RGS7: variants seen among roughly 807,000 people sequenced by gnomAD.
RGS7 encodes the protein regulator of G-protein signaling 7.
Under a neutral mutation model 81.1 loss-of-function variants are expected in RGS7, and 27 were observed. The observed-to-expected ratio is 0.33, with a 90% CI of 0.25 to 0.46. The LOEUF (loss-of-function observed/expected upper bound fraction) is 0.46, where lower values mean the gene tolerates loss of function less well. RGS7 is among the 20% of genes least tolerant of loss of function. The pLI is 1.00. For synonymous variants in RGS7, 208 were observed against 207.7 expected (o/e 1.00, Z -0.01); for missense variants, 396 against 607.4 (o/e 0.65, Z 3.66).
At chr1:241,042,976 T>C (rs1485870435) in intron 3 of RGS7, among the ~76,000 whole-genome samples, 1 of 151,814 alleles carries the variant, frequency 6.6e-6, no homozygotes, top group East Asian at 1.9e-4. Context: ...AAAAAAGGAT[T>C]ATGTCCCTTT....
At chr1:240,823,006 G>A in intron 10 of RGS7, 2 of 516,984 alleles carry the variant, frequency 3.9e-6, no homozygotes, top group South Asian at 2.4e-5. Context: ...TAGAAACCTG[G>A]AAGAAATTGT....
intron 18 of RGS7, among the ~76,000 whole-genome samples, chr1:240,788,675 T>C (rs942641068): frequency 5.3e-5 from 8 of 152,348 alleles, no homozygotes; most frequent in African/African-American, 1.9e-4. Context: ...GGAATACTTC[T>C]ATTTGTGTGA....
chr1:240,869,152 G>A (rs931592153), intron 7 of RGS7, among the ~76,000 whole-genome samples: 1 of 152,100 alleles, frequency 6.6e-6, no homozygotes, highest in African/African-American at 2.4e-5. Context: ...ACATAAGGAG[G>A]TGCTCAGATG....
chr1:240,908,989 G>A (rs1219565960), intron 6 of RGS7, among the ~76,000 whole-genome samples: 1 of 152,192 alleles, frequency 6.6e-6, no homozygotes, highest in African/African-American at 2.4e-5. Flanking sequence ...AAAATTTCCT[G>A]AGACCTCTAA....
Position 241,097,399 on chromosome 1 carries a change from C to G in RGS7, c.175+1267G>C, listed in dbSNP as rs138118445. Among the ~76,000 whole-genome samples, 724 of 152,160 alleles carry G rather than the reference C, an allele frequency of 4.8e-3. 8 individuals carry two copies. The highest frequency in any genetic ancestry group is 6.8e-3 in the Middle Eastern group (2 of 294). ...ATTCCACAGTAGCTCTCCTCAGCTC[C>G]AAGCTCCCTCTCTTCTCTCTGACAG... On this transcript the variant is annotated intron_variant, in intron 3 of 18. Coordinates refer to ENST00000440928, the MANE Select transcript of RGS7 (RefSeq NM_001364886.1).
At chr1:240,984,349 G>A (rs1239596394) in intron 3 of RGS7, among the ~76,000 whole-genome samples, 1 of 152,086 alleles carries the variant, frequency 6.6e-6, no homozygotes, top group Admixed American at 6.6e-5. Context: ...CAAGGATGAA[G>A]GGAAAAGGTC....
chr1:241,093,131 C>A lies in RGS7; in HGVS notation c.175+5535G>T, dbSNP rs559908244. Reference sequence around the variant, plus strand: ...AACTTAGAGAACATGAAGGAAATGTCTTTTAGTACAATTTCGCAGAAATCA... The same window carrying A: ...AACTTAGAGAACATGAAGGAAATGTATTTTAGTACAATTTCGCAGAAATCA... On this transcript the variant is annotated intron_variant, in intron 3 of 18. Coordinates refer to ENST00000440928, the MANE Select transcript of RGS7 (RefSeq NM_001364886.1). 1.2e-3 allele frequency among the ~76,000 whole-genome samples: 178 copies of A among 152,032 alleles called. 1 individual carries two copies. The highest frequency in any genetic ancestry group is 4.2e-3 in the African/African-American group (175 of 41,492).
At position 241,135,775 on chromosome 1, in the gene RGS7, G is replaced by T. The variant is rs530526636; in HGVS notation, c.79-37013C>A. 5.9e-5 allele frequency among the ~76,000 whole-genome samples: 9 copies of T among 152,128 alleles called. No homozygotes were observed. In the South Asian group the frequency reaches 1.9e-3, roughly 32 times the overall value. On this transcript the variant is annotated intron_variant, in intron 2 of 18. Transcript: ENST00000440928. ...TATTAAACTCTCTACTACAATGTCA[G>T]TGGCCTTTTTTTATTATTTTTTTTT...
intron 5 of RGS7, among the ~76,000 whole-genome samples, chr1:240,931,101 G>T (rs1466566059): frequency 6.6e-6 from 1 of 152,154 alleles, no homozygotes; most frequent in Non-Finnish European, 1.5e-5. Context: ...GACTGAAAGA[G>T]TATGTTCGGC....
intron 2 of RGS7, among the ~76,000 whole-genome samples, chr1:241,228,406 T>C (rs1451450449): frequency 6.6e-6 from 1 of 151,916 alleles, no homozygotes; most frequent in Non-Finnish European, 1.5e-5. Flanking sequence ...ATCCACTAGG[T>C]TAAAAGGAGT....
intron 3 of RGS7, among the ~76,000 whole-genome samples, chr1:241,011,668 A>G (rs940439121): frequency 2.0e-5 from 3 of 152,220 alleles, no homozygotes; most frequent in Non-Finnish European, 2.9e-5. Context: ...TTAAGAAAAC[A>G]GATTGATAAC....
At chr1:241,117,139 A>G (rs2065935244) in intron 2 of RGS7, among the ~76,000 whole-genome samples, 2 of 152,196 alleles carry the variant, frequency 1.3e-5, no homozygotes. Flanking sequence ...TTTCTTTTCA[A>G]ATAAAATATA....
intron 2 of RGS7, among the ~76,000 whole-genome samples, chr1:241,345,155 G>T (rs551053163): frequency 1.3e-5 from 2 of 152,314 alleles, no homozygotes; most frequent in African/African-American, 4.8e-5. Context: ...AACACTGCAT[G>T]TTCTTACTTA....
chr1:240,922,337 A>T (rs1396186022), intron 6 of RGS7, among the ~76,000 whole-genome samples: 1 of 152,092 alleles, frequency 6.6e-6, no homozygotes, highest in African/African-American at 2.4e-5. Flanking sequence ...TAGACACAAC[A>T]TCAAAAGCAC....
At chr1:241,300,298 T>G (rs1438119284) in intron 2 of RGS7, among the ~76,000 whole-genome samples, 1 of 152,192 alleles carries the variant, frequency 6.6e-6, no homozygotes, top group South Asian at 2.1e-4. Context: ...CCGAAGTTCA[T>G]AGTTTACGCT....
intron 2 of RGS7, among the ~76,000 whole-genome samples, chr1:241,219,941 A>T (rs2074797448): frequency 6.6e-6 from 1 of 152,232 alleles, no homozygotes; most frequent in Non-Finnish European, 1.5e-5. Context: ...CTTCTTCAAC[A>T]AAATCACCTA....
chr1:241,045,652 C>T (rs2060885208), intron 3 of RGS7, among the ~76,000 whole-genome samples: 1 of 152,180 alleles, frequency 6.6e-6, no homozygotes, highest in African/African-American at 2.4e-5. Context: ...GCATGAGCCA[C>T]CGCGCCTGGC....
chr1:240,869,214 C>T (rs1664036405), intron 7 of RGS7, among the ~76,000 whole-genome samples: 1 of 152,170 alleles, frequency 6.6e-6, no homozygotes, highest in South Asian at 2.1e-4. Flanking sequence ...AACATCAGTA[C>T]ATTCCTACTA....
At chr1:241,044,534 C>T (rs1327017483) in intron 3 of RGS7, among the ~76,000 whole-genome samples, 3 of 152,144 alleles carry the variant, frequency 2.0e-5, no homozygotes, top group Admixed American at 6.5e-5. Flanking sequence ...GCAATCCTCC[C>T]ATCTCATCCT....
Sources: gnomAD v4.1 joint callset for allele counts (sites outside exome capture counted in the v4.1 genomes callset) on GRCh38, gnomAD v4.1.1 for gene constraint, MANE v1.5 for transcripts, NCBI Gene and HGNC (gene_info 2026-07-23, HGNC 2026-07-21) for gene names.